HP1BP3: variants seen among roughly 807,000 people sequenced by gnomAD.
The protein encoded by HP1BP3 is heterochromatin protein 1 binding protein 3.
HP1BP3 carries 12 observed loss-of-function variants against 62.5 expected under a neutral mutation model. The ratio of observed to expected loss-of-function variants is 0.19; its 90% CI spans 0.12 to 0.31. The LOEUF is 0.31. Among genes scored for constraint, HP1BP3 ranks in the 10% least tolerant of loss-of-function variants. HP1BP3 has a pLI of 1.00. For missense variants in HP1BP3, 502 were observed against 651.8 expected, an observed-to-expected ratio of 0.77 and a Z score of 2.50; for synonymous variants, 260 against 237.8, an observed-to-expected ratio of 1.09 and a Z score of -0.86.
At chr1:20,746,186 A>ATATATGTGTG (rs1286650893) in intron 11 of HP1BP3, among the ~76,000 whole-genome samples, 1 of 143,148 alleles carries the variant, frequency 7.0e-6, no homozygotes, top group African/African-American at 2.7e-5. Flanking sequence ...ACATACATAT[A>ATATATGTGTG]TGTGTGTGTG....
rs115050582 is a variant in HP1BP3 at position 20,784,150 on chromosome 1, T to C, written c.-101+3045A>G. ...ATGCCCGGCTAATTTTTCTCTTTTT[T>C]GTATCAACAGGGTTTTGCCATGTTG... On this transcript the variant is annotated intron_variant, in intron 1 of 12. Coordinates refer to ENST00000438032, the MANE Select transcript of HP1BP3 (RefSeq NM_001372052.1). Among the ~76,000 whole-genome samples, 478 of 152,118 alleles carry C rather than the reference T, an allele frequency of 3.1e-3. 3 individuals are homozygous for C. The highest frequency in any genetic ancestry group is 0.011 in the African/African-American group (461 of 41,492).
intron 4 of HP1BP3, chr1:20,775,468 T>C (rs921889907): frequency 2.0e-5 from 3 of 152,208 alleles, no homozygotes; most frequent in African/African-American, 7.2e-5. Context: ...TTGTTTTTGG[T>C]AAAGTTTTAA....
At chr1:20,766,950 A>AAAACAAAC (rs111382368) in intron 7 of HP1BP3, among the ~76,000 whole-genome samples, 11,224 of 152,006 alleles carry the variant, frequency 0.074, 731 homozygotes, top group African/African-American at 0.17. Context: ...CTTAGAAAAG[A>AAAACAAAC]AAACAAACAA....
intron 9 of HP1BP3, among the ~76,000 whole-genome samples, chr1:20,753,300 G>GA (rs2055894027): frequency 6.6e-6 from 1 of 152,068 alleles, no homozygotes; most frequent in African/African-American, 2.4e-5. Flanking sequence ...ATTCAGACTT[G>GA]GTTATGAGGT....
At chr1:20,775,442 C>A (rs1379032599) in intron 4 of HP1BP3, 1 of 152,104 alleles carries the variant, frequency 6.6e-6, no homozygotes, top group Non-Finnish European at 1.5e-5. Flanking sequence ...TGCACCATTG[C>A]GTCCGGCTTG....
intron 6 of HP1BP3, 78 bp downstream of exon 6, chr1:20,770,852 A>G: frequency 1.8e-5 from 20 of 1,110,828 alleles, no homozygotes; most frequent in Non-Finnish European, 2.5e-5. Context: ...AAAGGCACAA[A>G]AAGCCTAAAT....
intron 1 of HP1BP3, among the ~76,000 whole-genome samples, chr1:20,781,223 AATCTC>A (rs973430084): frequency 2.6e-5 from 4 of 152,168 alleles, no homozygotes; most frequent in African/African-American, 9.7e-5. Flanking sequence ...CTTCCCCAAA[AATCTC>A]ATCTGAGACT....
chr1:20,780,586 C>T, intron 1 of HP1BP3, 46 bp from the exon 2 acceptor site: 1 of 600,982 alleles, frequency 1.7e-6, no homozygotes, highest in Non-Finnish European at 3.0e-6. Context: ...AGAAACAAAA[C>T]TAAACTAAAA....
chr1:20,778,037 T>G (rs1035220311), intron 3 of HP1BP3, among the ~76,000 whole-genome samples: 1 of 152,258 alleles, frequency 6.6e-6, no homozygotes, highest in Non-Finnish European at 1.5e-5. Context: ...CAATTTGACC[T>G]AAATGGCTGC....
chr1:20,751,467 G>A (rs1396266549), intron 9 of HP1BP3, among the ~76,000 whole-genome samples: 1 of 152,062 alleles, frequency 6.6e-6, no homozygotes, highest in Non-Finnish European at 1.5e-5. Context: ...GTTCATATCT[G>A]TAATCCCAGT....
intron 8 of HP1BP3, among the ~76,000 whole-genome samples, chr1:20,765,094 G>A (rs1410771742): frequency 1.3e-5 from 2 of 150,716 alleles, no homozygotes; most frequent in African/African-American, 4.9e-5. Context: ...CTTTGAACCC[G>A]GGAGGCAGAG....
chr1:20,761,715 T>C (rs1198197628), intron 8 of HP1BP3, among the ~76,000 whole-genome samples: 4 of 152,320 alleles, frequency 2.6e-5, no homozygotes, highest in South Asian at 2.1e-4. Flanking sequence ...CAAGTGAATG[T>C]GGACATAAAA....
Position 20,776,045 on chromosome 1 carries a change from A to G in HP1BP3, c.350+552T>C, listed in dbSNP as rs189159665. 3.4e-6 allele frequency: 5 copies of G among 1,470,486 alleles called. No homozygotes were observed. The African/African-American group carries it at 4.3e-5, about 13-fold the overall frequency. 91.1% of individuals were successfully genotyped at this position (1,470,486 alleles called of 1,614,324 possible). A position where few individuals can be genotyped will look rare whatever the true frequency, so the allele number is the denominator to read the frequency against. Reference sequence around the variant, plus strand: ...AAAAAAAAATTAAAAATTAAAAAGTAACTGCCATCACTTTATATAGATACA... The same window carrying G: ...AAAAAAAAATTAAAAATTAAAAAGTGACTGCCATCACTTTATATAGATACA... On this transcript the variant is annotated intron_variant, in intron 4 of 12. Coordinates refer to ENST00000438032, the MANE Select transcript of HP1BP3 (RefSeq NM_001372052.1).
At chr1:20,776,043 G>C in intron 4 of HP1BP3, 1 of 1,440,238 alleles carries the variant, frequency 6.9e-7, no homozygotes. Context: ...AAATTAAAAA[G>C]TAACTGCCAT....
intron 6 of HP1BP3, 68 bp from the exon 7 acceptor site, chr1:20,767,732 C>A: frequency 1.1e-6 from 1 of 939,984 alleles, no homozygotes; most frequent in Non-Finnish European, 1.6e-6. Flanking sequence ...AATTACAGGC[C>A]ATGGTAATGC....
intron 9 of HP1BP3, among the ~76,000 whole-genome samples, chr1:20,750,914 T>C (rs992694920): frequency 6.8e-6 from 1 of 147,710 alleles, no homozygotes; most frequent in African/African-American, 2.5e-5. Flanking sequence ...GTCTCCTGGG[T>C]TTAAGCAATT....
At chr1:20,750,042 G>T in intron 9 of HP1BP3, 160 bp from the exon 10 acceptor site, 12 of 1,378,400 alleles carry the variant, frequency 8.7e-6, no homozygotes, top group Non-Finnish European at 1.1e-5. Flanking sequence ...CCATTCAACA[G>T]GTATTCAATC....
intron 5 of HP1BP3, among the ~76,000 whole-genome samples, chr1:20,772,672 T>C (rs2057112181): frequency 6.6e-6 from 1 of 152,068 alleles, no homozygotes; most frequent in Non-Finnish European, 1.5e-5. Context: ...TCTGTATCCC[T>C]GTCTCCCCAG....
Position 20,747,562 on chromosome 1 carries a change from C to A in HP1BP3, c.1235G>T (p.Cys412Phe), listed in dbSNP as rs1427338276. 6.2e-7 allele frequency: 1 copy of A among 1,609,316 alleles called. No individual in the cohort carries two copies. The highest frequency in any genetic ancestry group is 8.5e-7 in the Non-Finnish European group (1 of 1,176,388). The change falls in exon 11 of 13, where the codon TGT becomes TTT. Residue 412 changes from cysteine (C) to phenylalanine (F), a missense_variant. Cys to Phe is a radical substitution (Grantham distance 205). Around this residue, in one of 5 missense-constraint regions of HP1BP3, gnomAD observed 194 missense variants for 207.0 expected, o/e 0.94. Coordinates refer to ENST00000438032, the MANE Select transcript of HP1BP3 (RefSeq NM_001372052.1). ...TACTTACCTGGGATAATAGGGAAAA[C>A]AGAGCTGGAAGGTGCCACTGAACCC... Reference protein sequence around the residue: ...GKGFSGTFQLCFPYYPSPGVL... With the variant: ...GKGFSGTFQLFFPYYPSPGVL...
Sources: allele counts gnomAD v4.1 joint callset (sites outside exome capture counted in the v4.1 genomes callset), GRCh38; gene constraint gnomAD v4.1.1; regional missense constraint gnomAD v4.1.1; transcripts MANE v1.5; gene names NCBI Gene and HGNC (gene_info 2026-07-23, HGNC 2026-07-21).